The following CES5A variants were observed in gnomAD, a reference collection of about 807,000 sequenced individuals.
The protein encoded by CES5A is carboxylesterase 5.
CES5A carries 67 observed loss-of-function variants against 62.9 expected under a neutral mutation model. That is an observed-to-expected ratio of 1.07 (90% CI 0.88 to 1.31). CES5A has a LOEUF of 1.31. Among genes scored for constraint, CES5A ranks in the 50% most tolerant of loss-of-function variants. CES5A has a pLI of 0.00. For synonymous variants in CES5A, 296 were observed against 280.8 expected (o/e 1.05, Z -0.54); for missense variants, 748 against 708.5 (o/e 1.06, Z -0.63).
At chr16:55,883,245 C>T (rs565443238) in intron 1 of CES5A, among the ~76,000 whole-genome samples, 2 of 152,174 alleles carry the variant, frequency 1.3e-5, no homozygotes, top group Admixed American at 1.3e-4. Context: ...GGCACCACCA[C>T]CATTGCATCT....
intron 1 of CES5A, among the ~76,000 whole-genome samples, chr16:55,904,162 A>G (rs1349173207): frequency 2.6e-5 from 4 of 152,234 alleles, no homozygotes; most frequent in Non-Finnish European, 5.9e-5. Flanking sequence ...AAAATGAGGA[A>G]AAGGAGATTC....
At chr16:55,936,582 T>C (rs1336801658) in intron 2 of CES5A, among the ~76,000 whole-genome samples, 1 of 152,200 alleles carries the variant, frequency 6.6e-6, no homozygotes, top group Non-Finnish European at 1.5e-5. Flanking sequence ...TCTTTTTTTG[T>C]ATCTCCCTGA....
intron 1 of CES5A, among the ~76,000 whole-genome samples, chr16:55,921,304 C>T (rs138393336): frequency 3.9e-5 from 6 of 152,082 alleles, no homozygotes; most frequent in East Asian, 3.9e-4. Context: ...GACTAGTCCA[C>T]GGCATATAAT....
At chr16:55,911,026 C>A (rs1359891718) in intron 1 of CES5A, among the ~76,000 whole-genome samples, 1 of 152,182 alleles carries the variant, frequency 6.6e-6, no homozygotes, top group Non-Finnish European at 1.5e-5. Flanking sequence ...ACTGTGGCTG[C>A]TTTTCCTTCT....
chr16:55,846,560 G>T lies in CES5A; in HGVS notation c.1619C>A (p.Thr540Asn). 1 of 1,614,132 alleles carries T rather than the reference G, an allele frequency of 6.2e-7. No homozygotes were observed. Among genetic ancestry groups the T allele is most frequent in the East Asian group, 2.2e-5 (1 of 44,882 alleles). ...AGACAGGATCAGGGGGATGGTGCTG[G>T]TCCAAAAATCCACCCGCGGTTCTTT... ...RLKEPRVDFW[T>N]STIPLILSAS... Residue 540 changes from threonine to asparagine, a missense_variant, in exon 13 of 13, where the codon ACC becomes AAC. Transcript: ENST00000290567.
At chr16:55,853,562 G>A (rs1443368448) in intron 9 of CES5A, among the ~76,000 whole-genome samples, 1 of 152,166 alleles carries the variant, frequency 6.6e-6, no homozygotes, top group East Asian at 1.9e-4. Flanking sequence ...TCTTACCTAA[G>A]CTAGTTGGTC....
chr16:55,861,041 G>T (rs113213393), intron 7 of CES5A, among the ~76,000 whole-genome samples: 74 of 152,274 alleles, frequency 4.9e-4, no homozygotes, highest in African/African-American at 1.8e-3. Context: ...GGTCTTGGAA[G>T]GTTTTCAGTT....
intron 1 of CES5A, among the ~76,000 whole-genome samples, chr16:55,913,020 G>A (rs989979433): frequency 2.6e-5 from 4 of 152,182 alleles, no homozygotes; most frequent in African/African-American, 7.2e-5. Context: ...CAAGACAGGG[G>A]AATTGCAATG....
chr16:55,899,705 T>C (rs1463072836), intron 1 of CES5A, among the ~76,000 whole-genome samples: 2 of 152,184 alleles, frequency 1.3e-5, no homozygotes, highest in Non-Finnish European at 2.9e-5. Flanking sequence ...TCTGAAGATA[T>C]TCGATAGTCA....
chr16:55,878,956 A>ACCCCACCACTGCACTCCACCAATGCT (rs2033731212), upstream of CES5A, among the ~76,000 whole-genome samples: 5 of 126,228 alleles, frequency 4.0e-5, no homozygotes, highest in African/African-American at 1.6e-4. Flanking sequence ...CCATCACTGC[A>ACCCCACCACTGCACTCCACCAATGCT]CCCCATTTCT....
At chr16:55,895,968 C>A (rs547700385) in intron 1 of CES5A, among the ~76,000 whole-genome samples, 5 of 152,196 alleles carry the variant, frequency 3.3e-5, no homozygotes, top group African/African-American at 1.2e-4. Flanking sequence ...GAGAGGAGAA[C>A]CTGATGTTCA....
chr16:55,885,104 C>T (rs997080429), intron 1 of CES5A, among the ~76,000 whole-genome samples: 6 of 152,210 alleles, frequency 3.9e-5, no homozygotes, highest in African/African-American at 1.4e-4. Flanking sequence ...CAGTGTGCAG[C>T]TTAGCCATAC....
At chr16:55,893,054 G>A (rs1345552601) in intron 1 of CES5A, among the ~76,000 whole-genome samples, 2 of 152,154 alleles carry the variant, frequency 1.3e-5, no homozygotes, top group Non-Finnish European at 2.9e-5. Context: ...GTCCCTGCCT[G>A]CCAATTCTCT....
chr16:55,866,401 A>G (rs184508886), intron 4 of CES5A, among the ~76,000 whole-genome samples: 1 of 152,318 alleles, frequency 6.6e-6, no homozygotes, highest in African/African-American at 2.4e-5. Context: ...ATCCCAATCC[A>G]TGAATCCTGT....
chr16:55,930,213 A>G (rs1282057493), upstream of CES5A, among the ~76,000 whole-genome samples: 2 of 147,648 alleles, frequency 1.4e-5, no homozygotes, highest in African/African-American at 5.0e-5. Context: ...ACCCCCCACA[A>G]TTCAGCAACC....
intron 1 of CES5A, among the ~76,000 whole-genome samples, chr16:55,923,020 A>G (rs1451800457): frequency 1.3e-5 from 2 of 151,814 alleles, no homozygotes; most frequent in Non-Finnish European, 3.0e-5. Context: ...ATAACTATAT[A>G]TGGGATACAG....
intron 2 of CES5A, among the ~76,000 whole-genome samples, chr16:55,942,347 A>C (rs1275722903): frequency 6.6e-6 from 1 of 152,246 alleles, no homozygotes; most frequent in African/African-American, 2.4e-5. Flanking sequence ...TGTATAACAC[A>C]TAAAGAATTC....
chr16:55,853,595 T>A (rs779823800), intron 9 of CES5A, among the ~76,000 whole-genome samples: 1 of 152,164 alleles, frequency 6.6e-6, no homozygotes, highest in Non-Finnish European at 1.5e-5. Context: ...AGTTTCCTCC[T>A]CTGTAGGGAT....
intron 2 of CES5A, among the ~76,000 whole-genome samples, chr16:55,931,387 C>A (rs1162872217): frequency 6.6e-6 from 1 of 152,154 alleles, no homozygotes; most frequent in East Asian, 1.9e-4. Context: ...AAGGAATTAG[C>A]CTAAGTTTGT....
Sources: gnomAD v4.1 joint callset for allele counts (sites outside exome capture counted in the v4.1 genomes callset) on GRCh38, gnomAD v4.1.1 for gene constraint, MANE v1.5 for transcripts, NCBI Gene and HGNC (gene_info 2026-07-23, HGNC 2026-07-21) for gene names.